PDE10A: variants seen among roughly 807,000 people sequenced by gnomAD.
PDE10A encodes cAMP and cAMP-inhibited cGMP 3',5'-cyclic phosphodiesterase 10A.
In PDE10A, 39 loss-of-function variants were observed where a neutral mutation model predicts 97.7. The ratio of observed to expected loss-of-function variants is 0.40; its 90% CI spans 0.31 to 0.52. The LOEUF is 0.52. Ranked by LOEUF, PDE10A falls within the 20% of genes least tolerant of loss-of-function variation. The pLI is 0.56. For missense variants in PDE10A, 731 were observed against 1,047.8 expected (o/e 0.70, Z 4.17); for synonymous variants, 371 against 376.8 (o/e 0.98, Z 0.18).
At chr6:165,917,746 C>G (rs1282042867) in intron 1 of PDE10A, among the ~76,000 whole-genome samples, 1 of 152,222 alleles carries the variant, frequency 6.6e-6, no homozygotes, top group Non-Finnish European at 1.5e-5. Context: ...GCCAGGCTTT[C>G]CCCAACGCCC....
At chr6:165,475,260 T>A (rs191661951) in intron 3 of PDE10A, among the ~76,000 whole-genome samples, 7 of 152,286 alleles carry the variant, frequency 4.6e-5, no homozygotes, top group Admixed American at 3.9e-4. Context: ...GTAGAATATA[T>A]GGTCATAAGT....
chr6:165,718,083 A>G (rs1374306546), intron 1 of PDE10A, among the ~76,000 whole-genome samples: 1 of 152,196 alleles, frequency 6.6e-6, no homozygotes, highest in African/African-American at 2.4e-5. Context: ...TTGATGCACA[A>G]AAGTTTTTAA....
rs142889957 is a variant in PDE10A, at chr6:165,658,646, C to T, written c.865+3301G>A. On this transcript the variant is annotated intron_variant, in intron 1 of 21. Coordinates refer to ENST00000539869, the MANE Select transcript of PDE10A (RefSeq NM_001385079.1). ...AACCTATGTTATCTTTTCTAGAAGA[C>T]CAAATGCCACTCACACTGGTCTGTC... 8.6e-3 allele frequency among the ~76,000 whole-genome samples: 1,317 copies of T among 152,350 alleles called. 7 individuals carry two copies. The highest frequency in any genetic ancestry group is 0.02 in the Middle Eastern group (6 of 294).
intron 1 of PDE10A, among the ~76,000 whole-genome samples, chr6:165,906,042 T>C (rs1448724565): frequency 6.8e-4 from 2 of 2,920 alleles, no homozygotes; most frequent in African/African-American, 1.5e-3. Flanking sequence ...CCTTCCTTCC[T>C]TCCTTCCCTC....
At chr6:165,649,768 C>T (rs1381911640) in intron 1 of PDE10A, among the ~76,000 whole-genome samples, 1 of 152,202 alleles carries the variant, frequency 6.6e-6, no homozygotes, top group Non-Finnish European at 1.5e-5. Context: ...TTTGCACTCA[C>T]TGGAGAAGCG....
intron 1 of PDE10A, chr6:165,754,527 A>G (rs1250742005): frequency 6.6e-6 from 1 of 152,232 alleles, no homozygotes; most frequent in African/African-American, 2.4e-5. Flanking sequence ...ACATTTTACT[A>G]TAATAGTTCT....
At chr6:165,441,621 G>C (rs1007680512) in intron 5 of PDE10A, among the ~76,000 whole-genome samples, 1 of 151,730 alleles carries the variant, frequency 6.6e-6, no homozygotes, top group African/African-American at 2.4e-5. Context: ...TTACTAGGAA[G>C]TTTTCCTTTT....
chr6:165,577,447 T>C (rs979987103), intron 1 of PDE10A, among the ~76,000 whole-genome samples: 6 of 152,156 alleles, frequency 3.9e-5, no homozygotes, highest in African/African-American at 1.4e-4. Context: ...GGAAGTCTTC[T>C]AGGGCTTCAG....
chr6:165,621,771 A>AGGAAGAAG (rs1554297070), intron 1 of PDE10A, among the ~76,000 whole-genome samples: 2 of 134,688 alleles, frequency 1.5e-5, no homozygotes, highest in African/African-American at 5.4e-5. Flanking sequence ...AAGAAAAAAA[A>AGGAAGAAG]AAGAAGAAGA....
intron 1 of PDE10A, among the ~76,000 whole-genome samples, chr6:165,590,663 G>A (rs567422714): frequency 1.3e-5 from 2 of 152,250 alleles, no homozygotes; most frequent in South Asian, 2.1e-4. Context: ...AGGCCGAGGC[G>A]GGTGGATCAC....
chr6:165,844,366 C>A (rs1317811461), intron 1 of PDE10A, among the ~76,000 whole-genome samples: 1 of 152,134 alleles, frequency 6.6e-6, no homozygotes. Context: ...TCACAGCGAG[C>A]CTTTCTCATG....
At chr6:165,777,437 C>A (rs1478180660) in intron 1 of PDE10A, among the ~76,000 whole-genome samples, 5 of 152,166 alleles carry the variant, frequency 3.3e-5, no homozygotes, top group Non-Finnish European at 5.9e-5. Flanking sequence ...AACAAGGGCA[C>A]TCAACAAAAA....
intron 18 of PDE10A, among the ~76,000 whole-genome samples, chr6:165,369,148 T>C (rs1241623197): frequency 6.6e-6 from 1 of 151,806 alleles, no homozygotes; most frequent in Non-Finnish European, 1.5e-5. Flanking sequence ...GCAGAAAAAC[T>C]GGAAACTCTA....
In PDE10A at chr6:165,396,468, C is replaced by T. The variant is rs760031861; in HGVS notation, c.2077-9G>A. The T allele has an allele frequency of 2.6e-6, 4 of 1,559,258 alleles. No individual in the cohort carries two copies. Among genetic ancestry groups the T allele is most frequent in the South Asian group, 1.2e-5 (1 of 82,648 alleles). Reference sequence around the variant, plus strand: ...CGAATTCTATGATACATCTAGAAGGCAAATCCAAAAAAAAAACCCCCAAAA... The same window carrying T: ...CGAATTCTATGATACATCTAGAAGGTAAATCCAAAAAAAAAACCCCCAAAA... On this transcript the variant is annotated splice_polypyrimidine_tract_variant and intron_variant, in intron 13 of 21. Transcript: ENST00000539869.
chr6:165,875,681 A>C (rs11753935), intron 1 of PDE10A, among the ~76,000 whole-genome samples: 1 of 147,542 alleles, frequency 6.8e-6, no homozygotes, highest in Non-Finnish European at 1.5e-5. Context: ...CAAAACATTC[A>C]CAGTGATATT....
chr6:165,368,272 A>C (rs1252404268), intron 18 of PDE10A, among the ~76,000 whole-genome samples: 1 of 152,376 alleles, frequency 6.6e-6, no homozygotes, highest in East Asian at 1.9e-4. Context: ...CTGGGATTAA[A>C]GGTGTGAGTC....
At chr6:165,788,623 G>C (rs1778563740) in intron 1 of PDE10A, among the ~76,000 whole-genome samples, 1 of 151,538 alleles carries the variant, frequency 6.6e-6, no homozygotes, top group African/African-American at 2.4e-5. Context: ...TTAGCTTTCA[G>C]GGGATATTTA....
intron 1 of PDE10A, among the ~76,000 whole-genome samples, chr6:165,764,664 C>G (rs910021654): frequency 1.3e-5 from 2 of 152,144 alleles, no homozygotes; most frequent in African/African-American, 4.8e-5. Context: ...TTCCTTCCTC[C>G]TGGCGGGCTT....
chr6:165,733,362 G>A (rs903244530), intron 1 of PDE10A, among the ~76,000 whole-genome samples: 5 of 152,178 alleles, frequency 3.3e-5, no homozygotes, highest in African/African-American at 7.2e-5. Context: ...CCTATTTCCT[G>A]CTGCCCTTGT....
Sources: allele counts gnomAD v4.1 joint callset (sites outside exome capture counted in the v4.1 genomes callset), GRCh38; gene constraint gnomAD v4.1.1; transcripts MANE v1.5; gene names NCBI Gene and HGNC (gene_info 2026-07-23, HGNC 2026-07-21).